The following FTO variants were observed in gnomAD, a reference collection of about 807,000 sequenced individuals.
FTO encodes FTO alpha-ketoglutarate dependent dioxygenase.
FTO carries 47 observed loss-of-function variants against 63.9 expected under a neutral mutation model. The observed-to-expected ratio is 0.74, with a 90% CI of 0.58 to 0.94. The LOEUF (loss-of-function observed/expected upper bound fraction) is 0.94, where lower values mean the gene tolerates loss of function less well. FTO is among the 40% of genes least tolerant of loss of function. The pLI, the probability that FTO is intolerant of heterozygous loss-of-function variation, is 0.00. For missense variants in FTO, 562 were observed against 618.1 expected, an observed-to-expected ratio of 0.91 and a Z score of 0.96; for synonymous variants, 207 against 224.4, an observed-to-expected ratio of 0.92 and a Z score of 0.69.
At chr16:53,869,556 T>C (rs1347904522) in intron 4 of FTO, among the ~76,000 whole-genome samples, 1 of 140,934 alleles carries the variant, frequency 7.1e-6, no homozygotes, top group Non-Finnish European at 1.6e-5. Context: ...TTTTTTTTTT[T>C]CAGTCTTTTT....
chr16:54,030,748 A>T (rs1458420029), intron 8 of FTO, among the ~76,000 whole-genome samples: 1 of 152,216 alleles, frequency 6.6e-6, no homozygotes, highest in Admixed American at 6.5e-5. Context: ...AGGGAAGATT[A>T]GACATTAAAA....
At position 53,737,838 on chromosome 16, in the gene FTO, A is replaced by G. The variant is rs564448511; in HGVS notation, c.45+33609A>G. Among the ~76,000 whole-genome samples the G allele has an allele frequency of 3.9e-5, 6 of 152,312 alleles. No homozygotes were observed. In the South Asian group the frequency reaches 1.2e-3, roughly 32 times the overall value. The stretch of plus-strand genomic sequence containing the variant: ...CTTTTAAAAATAGCGTTATTGAGAT[A>G]TAACTTACATCATATAAATGGAATC... On this transcript the variant is annotated intron_variant, in intron 1 of 8. Coordinates refer to ENST00000471389, the MANE Select transcript of FTO (RefSeq NM_001080432.3).
At chr16:53,900,044 C>G (rs1434959376) in intron 7 of FTO, among the ~76,000 whole-genome samples, 1 of 152,130 alleles carries the variant, frequency 6.6e-6, no homozygotes, top group Non-Finnish European at 1.5e-5. Flanking sequence ...GGAGAGAAAT[C>G]AGTTGTGTTT....
intron 1 of FTO, among the ~76,000 whole-genome samples, chr16:53,718,675 G>A (rs2075954320): frequency 6.6e-6 from 1 of 151,942 alleles, no homozygotes; most frequent in Admixed American, 6.5e-5. Flanking sequence ...CAGGGACTGA[G>A]GTTGAATTTT....
chr16:53,912,674 T>C (rs111921261), intron 7 of FTO, among the ~76,000 whole-genome samples: 16 of 152,290 alleles, frequency 1.1e-4, no homozygotes, highest in African/African-American at 3.8e-4. Flanking sequence ...GGACATGACT[T>C]GTTCACCGGT....
intron 1 of FTO, among the ~76,000 whole-genome samples, chr16:53,748,429 C>T (rs2076698135): frequency 6.6e-6 from 1 of 152,050 alleles, no homozygotes; most frequent in Admixed American, 6.6e-5. Context: ...ACTCACTCTT[C>T]ATAGAACTAT....
chr16:53,774,669 T>C (rs143965258), intron 1 of FTO, among the ~76,000 whole-genome samples: 174 of 152,272 alleles, frequency 1.1e-3, no homozygotes, highest in African/African-American at 3.9e-3. Flanking sequence ...TAGGTTGATA[T>C]AAAGTCATCA....
At chr16:54,091,157 C>T (rs1439990751) in intron 8 of FTO, among the ~76,000 whole-genome samples, 4 of 152,180 alleles carry the variant, frequency 2.6e-5, no homozygotes, top group African/African-American at 9.7e-5. Context: ...GGCTAGTTAC[C>T]ACAAACACCA....
At chr16:54,108,627 G>A (rs1378673744) in intron 8 of FTO, among the ~76,000 whole-genome samples, 2 of 152,226 alleles carry the variant, frequency 1.3e-5, no homozygotes, top group Non-Finnish European at 2.9e-5. Context: ...GGTACCTGGA[G>A]TAGAAGTAAC....
intron 7 of FTO, among the ~76,000 whole-genome samples, chr16:53,905,919 CTTCT>C (rs2151934416): frequency 6.6e-6 from 1 of 152,246 alleles, no homozygotes; most frequent in Admixed American, 6.5e-5. Context: ...CTTGCTCTTC[CTTCT>C]TTTTGGCGTA....
At chr16:53,765,557 C>A (rs1395690189) in intron 1 of FTO, among the ~76,000 whole-genome samples, 363 of 120,212 alleles carry the variant, frequency 3.0e-3, no homozygotes, top group African/African-American at 3.3e-3. Flanking sequence ...AACTCCGTCT[C>A]AAAAAAAAAA....
Position 54,052,140 on chromosome 16 carries a change from GTAATA to G in FTO, c.1365-59620_1365-59616del, listed in dbSNP as rs1446189556. ...TCTTATACTTCATGGTTATGGGCAT[GTAATA>G]TGTTCTTCATTGAGCCAGGCAATTG... On this transcript the variant is annotated intron_variant, in intron 8 of 8. Transcript: ENST00000471389. Among the ~76,000 whole-genome samples, 5 of 152,298 alleles carry G rather than the reference GTAATA, an allele frequency of 3.3e-5. No individual in the cohort carries two copies. In the South Asian group the frequency reaches 6.2e-4, roughly 19 times the overall value.
chr16:53,938,550 A>T (rs898133689), intron 8 of FTO, among the ~76,000 whole-genome samples: 3 of 152,234 alleles, frequency 2.0e-5, no homozygotes, highest in Non-Finnish European at 2.9e-5. Context: ...TTCAGTGAGC[A>T]TCTTTTTGTG....
chr16:54,069,940 C>G (rs1343352073), intron 8 of FTO: 1 of 152,134 alleles, frequency 6.6e-6, no homozygotes, highest in African/African-American at 2.4e-5. Context: ...TTTCTCTTGC[C>G]AGCTATGACT....
chr16:53,958,813 A>G (rs1009393936), intron 8 of FTO, among the ~76,000 whole-genome samples: 4 of 152,202 alleles, frequency 2.6e-5, no homozygotes, highest in Non-Finnish European at 5.9e-5. Context: ...TGGATTCACC[A>G]TGGAGCTCCA....
At chr16:53,927,950 TA>T (rs1008193776) in intron 7 of FTO, among the ~76,000 whole-genome samples, 2 of 152,208 alleles carry the variant, frequency 1.3e-5, no homozygotes. Flanking sequence ...ATCCCTTTGT[TA>T]AACTAGCATA....
intron 3 of FTO, among the ~76,000 whole-genome samples, chr16:53,843,829 T>TTTA (rs10629683): frequency 0.29 from 43,472 of 151,404 alleles, 6,307 homozygotes; most frequent in East Asian, 0.37. Context: ...TTTTTTTTTT[T>TTTA]AATAGAGATG....
intron 8 of FTO, among the ~76,000 whole-genome samples, chr16:54,042,766 G>A (rs1356049648): frequency 3.7e-5 from 1 of 27,392 alleles, no homozygotes; most frequent in Non-Finnish European, 5.4e-5. Flanking sequence ...ATCTGAGAAC[G>A]GGCAGACTGC....
At chr16:54,095,506 G>A (rs960219191) in intron 8 of FTO, among the ~76,000 whole-genome samples, 26 of 150,498 alleles carry the variant, frequency 1.7e-4, no homozygotes, top group African/African-American at 6.2e-4. Context: ...AAATTATCTT[G>A]ATATTTATTT....
Sources: gnomAD v4.1 joint callset for allele counts (sites outside exome capture counted in the v4.1 genomes callset) on GRCh38, gnomAD v4.1.1 for gene constraint, MANE v1.5 for transcripts, NCBI Gene and HGNC (gene_info 2026-07-23, HGNC 2026-07-21) for gene names.